The following SDK2 variants were observed in gnomAD, a reference collection of about 807,000 sequenced individuals.
SDK2 encodes the protein protein sidekick-2.
In SDK2, 105 loss-of-function variants were observed where a neutral mutation model predicts 253.9. That is an observed-to-expected ratio of 0.41 (90% CI 0.35 to 0.49). The LOEUF (loss-of-function observed/expected upper bound fraction) is 0.49. Among genes scored for constraint, SDK2 ranks in the 20% least tolerant of loss-of-function variants. The pLI, the probability that SDK2 is intolerant of heterozygous loss-of-function variation, is 0.06. For missense variants in SDK2, 2,608 were observed against 3,003.0 expected (o/e 0.87, Z 3.07); for synonymous variants, 1,249 against 1,234.9 (o/e 1.01, Z -0.24).
rs2062363256 is a variant in SDK2, at chr17:73,334,432, C to T, written c.*4155G>A. 1.3e-5 allele frequency: 2 copies of T among 152,076 alleles called. No homozygotes were observed. Among genetic ancestry groups the T allele is most frequent in the African/African-American group, 2.4e-5 (1 of 41,404 alleles). 9.4% of individuals were successfully genotyped at this position (152,076 alleles called of 1,614,324 possible). On this transcript the variant is annotated 3_prime_UTR_variant, in exon 45 of 45. Coordinates refer to ENST00000392650, the MANE Select transcript of SDK2 (RefSeq NM_001144952.2). ...AAAATACTGACAGTTTGACAGGACA[C>T]GGGACTTCTTGTGGTATATATTTCA...
intron 1 of SDK2, among the ~76,000 whole-genome samples, chr17:73,620,085 G>C (rs1276457927): frequency 6.6e-6 from 1 of 152,020 alleles, no homozygotes; most frequent in Non-Finnish European, 1.5e-5. Context: ...CATAGTCCCA[G>C]CTATGTGGGG....
chr17:73,643,397 C>T lies in SDK2; in HGVS notation c.64+628G>A, dbSNP rs1033044202. ...CTCAGACCCTCCCTGTGCACCACCC[C>T]CCGGTGGGTCCGCGGCTGCACCCGC... On this transcript the variant is annotated intron_variant, in intron 1 of 44. Coordinates refer to ENST00000392650, the MANE Select transcript of SDK2 (RefSeq NM_001144952.2). The surrounding 1 kb of genome is among the most constrained non-coding windows in gnomAD (Gnocchi z 6.9). 6.6e-6 allele frequency among the ~76,000 whole-genome samples: 1 copy of T among 152,108 alleles called. No homozygotes were observed. Among genetic ancestry groups the T allele is most frequent in the Non-Finnish European group, 1.5e-5 (1 of 67,998 alleles).
Position 73,361,920 on chromosome 17 carries a change from C to A in SDK2, c.5306-75G>T, listed in dbSNP as rs2062644707. The stretch of plus-strand genomic sequence containing the variant: ...ACTGGAGGCCATGGGGAAGGGGAAG[C>A]GGCCGTGGCCTGGGCCCCGGGACCC... On this transcript the variant is annotated intron_variant, in intron 38 of 44. Transcript: ENST00000392650. This position sits in a 1 kb window ranked among gnomAD's most constrained non-coding sequence, Gnocchi z 4.1. 6.9e-7 allele frequency: 1 copy of A among 1,439,204 alleles called. No individual in the cohort carries two copies. The highest frequency in any genetic ancestry group is 9.3e-7 in the Non-Finnish European group (1 of 1,071,936). 89.2% of individuals were successfully genotyped at this position (1,439,204 alleles called of 1,614,324 possible). A position where few individuals can be genotyped will look rare whatever the true frequency, so the allele number is the denominator to read the frequency against.
Position 73,350,693 on chromosome 17 carries a change from G to T in SDK2, c.5856C>A (p.Ile1952=). The change falls in exon 42 of 45, where the codon ATC becomes ATA. Residue 1952 remains isoleucine (I), a synonymous_variant. Coordinates refer to ENST00000392650, the MANE Select transcript of SDK2 (RefSeq NM_001144952.2). Reference sequence around the variant, plus strand: ...CGTACTTCTTGCTCTGGCCCCGGATGATGAGCACGAAGACCAGAAGCAGGA... The same window carrying T: ...CGTACTTCTTGCTCTGGCCCCGGATTATGAGCACGAAGACCAGAAGCAGGA... The part of the protein sequence containing the change: ...IFILLLVFVL[I]IRGQSKKYAK... The T allele has an allele frequency of 3.1e-6, 5 of 1,613,712 alleles. No individual in the cohort carries two copies. The highest frequency in any genetic ancestry group is 4.2e-6 in the Non-Finnish European group (5 of 1,179,822).
chr17:73,552,018 G>T (rs1455792042), intron 1 of SDK2, among the ~76,000 whole-genome samples: 1 of 152,200 alleles, frequency 6.6e-6, no homozygotes, highest in Non-Finnish European at 1.5e-5. Flanking sequence ...GACAGCCAGG[G>T]TGGCAAGGCA....
intron 6 of SDK2, among the ~76,000 whole-genome samples, chr17:73,438,880 G>A (rs1232602150): frequency 1.3e-5 from 2 of 152,158 alleles, no homozygotes; most frequent in African/African-American, 4.8e-5. Context: ...TTCTGTGGCC[G>A]CATACGTCTG....
intron 1 of SDK2, among the ~76,000 whole-genome samples, chr17:73,585,977 C>T (rs952260166): frequency 2.8e-4 from 42 of 152,090 alleles, no homozygotes; most frequent in African/African-American, 9.7e-4. Flanking sequence ...AGGATGTACT[C>T]GGAAAGGGAC....
chr17:73,547,724 C>T (rs147189827), intron 1 of SDK2, among the ~76,000 whole-genome samples: 6 of 152,262 alleles, frequency 3.9e-5, no homozygotes, highest in East Asian at 3.9e-4. Flanking sequence ...TCAGGGGGTC[C>T]GGGGCTGTGC....
At chr17:73,397,601 C>G (rs2062982130) in intron 24 of SDK2, among the ~76,000 whole-genome samples, 1 of 152,208 alleles carries the variant, frequency 6.6e-6, no homozygotes, top group Admixed American at 6.5e-5. Flanking sequence ...GGCCCACGGT[C>G]AGGACCCTCA....
rs2063843493 is a variant in SDK2, at chr17:73,496,593, C to T, written c.224+10845G>A. ...ATACAGGGTCTTGTACTCCCTCGAC[C>T]AAAATCCTTTCGAGACTGTCCACTG... On this transcript the variant is annotated intron_variant, in intron 2 of 44. Coordinates refer to ENST00000392650, the MANE Select transcript of SDK2 (RefSeq NM_001144952.2). This position sits in a 1 kb window ranked among gnomAD's most constrained non-coding sequence, Gnocchi z 4.7. Among the ~76,000 whole-genome samples the T allele has an allele frequency of 2.6e-5, 4 of 152,192 alleles. No homozygotes were observed. In the South Asian group the frequency reaches 8.3e-4, roughly 32 times the overall value.
In SDK2 at chr17:73,385,976, C is replaced by T. The variant is rs1302065309; in HGVS notation, c.4499-59G>A. ...GCCGCAGCTTCAAGTTCCCCAGGAG[C>T]CCACTGAGACCAGATTCTGCTAATA... is the stretch of plus-strand genomic sequence containing the variant. On this transcript the variant is annotated intron_variant, in intron 31 of 44. Coordinates refer to ENST00000392650, the MANE Select transcript of SDK2 (RefSeq NM_001144952.2). 3.9e-6 allele frequency: 5 copies of T among 1,271,014 alleles called. No individual in the cohort carries two copies. In the East Asian group the frequency reaches 1.2e-4, roughly 32 times the overall value. The allele number at this position is 1,271,014 out of a possible 1,614,324, so 78.7% of individuals were successfully genotyped here. A position where few individuals can be genotyped will look rare whatever the true frequency, so the allele number is the denominator to read the frequency against.
At chr17:73,533,905 C>T (rs1204267629) in intron 1 of SDK2, among the ~76,000 whole-genome samples, 1 of 152,188 alleles carries the variant, frequency 6.6e-6, no homozygotes, top group African/African-American at 2.4e-5. Flanking sequence ...TTACACTCCA[C>T]TTGCTAATTA....
At chr17:73,351,324 G>T (rs932267328) in intron 41 of SDK2, among the ~76,000 whole-genome samples, 2 of 152,114 alleles carry the variant, frequency 1.3e-5, no homozygotes, top group Non-Finnish European at 2.9e-5. Context: ...TGGCCAGGCT[G>T]GTCTCTAACT....
intron 1 of SDK2, among the ~76,000 whole-genome samples, chr17:73,590,640 T>A (rs1056302778): frequency 1.3e-5 from 2 of 152,206 alleles, no homozygotes; most frequent in African/African-American, 4.8e-5. Context: ...AATCTGGGCA[T>A]GGCCAACCCG....
In SDK2 at chr17:73,387,827, G is replaced by T; in HGVS notation, c.4394+9C>A. On this transcript the variant is annotated intron_variant, in intron 30 of 44. Transcript: ENST00000392650. ...GCAGTGGGGATGCTGGCATGGACCCGAGCCTTACCTGTCCACAATGAAGCT... is the reference window on the plus strand; with the variant it reads ...GCAGTGGGGATGCTGGCATGGACCCTAGCCTTACCTGTCCACAATGAAGCT... The T allele has an allele frequency of 1.3e-6, 2 of 1,551,242 alleles. No homozygotes were observed. Among genetic ancestry groups the T allele is most frequent in the Non-Finnish European group, 1.7e-6 (2 of 1,144,094 alleles).
At chr17:73,486,317 G>A (rs371751641) in intron 2 of SDK2, among the ~76,000 whole-genome samples, 17 of 152,264 alleles carry the variant, frequency 1.1e-4, no homozygotes, top group African/African-American at 4.1e-4. Flanking sequence ...GAGCAGTTAG[G>A]AGAAGTAGAG....
rs111810626 is a variant in SDK2 at position 73,422,552 on chromosome 17, A to T, written c.1898-118T>A. ...GGGGCTGGCAAGAGAGAGCCTCCCC[A>T]GCTTGGTGCAGGAGTGGCCCGCCAT... On this transcript the variant is annotated intron_variant, in intron 14 of 44. Transcript: ENST00000392650. The T allele has an allele frequency of 5.6e-3, 6,591 of 1,185,496 alleles. 255 individuals carry two copies. The African/African-American group carries it at 0.084, about 15-fold the overall frequency. The allele number at this position is 1,185,496 out of a possible 1,614,324, so 73.4% of individuals were successfully genotyped here.
Position 73,352,475 on chromosome 17 carries a change from G to A in SDK2, c.5756C>T (p.Pro1919Leu), listed in dbSNP as rs779681558. The A allele has an allele frequency of 1.2e-6, 2 of 1,612,152 alleles. No individual in the cohort carries two copies. The highest frequency in any genetic ancestry group is 1.7e-6 in the Non-Finnish European group (2 of 1,179,300). Residue 1919 changes from proline (P) to leucine (L), a missense_variant and splice_region_variant, in exon 41 of 45, where the codon CCA (proline) becomes CTA (leucine). Physicochemically the swap from Pro to Leu is moderately conservative, Grantham distance 98. This residue lies in a region of SDK2 where 1,103 missense variants were observed against 1,143.9 expected (regional missense o/e 0.96). Transcript: ENST00000392650. The surrounding 1 kb of genome is among the most constrained non-coding windows in gnomAD (Gnocchi z 4.1). Reference protein sequence around the residue: ...GTPSSPSQSVPAQKANPFYEE... With the variant: ...GTPSSPSQSVLAQKANPFYEE... The stretch of plus-strand genomic sequence containing the variant: ...TCCCTCAGCCCCCAGGCCGGTACCT[G>A]GCACAGACTGGGAGGGGCTGCTGGG...
rs755429079 is a variant in SDK2, at chr17:73,435,566, C to A, written c.1079G>T (p.Arg360Leu). 4.4e-6 allele frequency: 7 copies of A among 1,587,510 alleles called. No individual in the cohort carries two copies. In the South Asian group the frequency reaches 4.6e-5, roughly 10 times the overall value. The change falls in exon 9 of 45, where the codon CGC becomes CTC. Residue 360 changes from arginine (R) to leucine (L), a missense_variant. This residue lies in a region of SDK2 where 1,505 missense variants were observed against 1,859.1 expected (regional missense o/e 0.81). Transcript: ENST00000392650. The surrounding 1 kb of genome is among the most constrained non-coding windows in gnomAD (Gnocchi z 5.7). ...GCTGATCTGCAGGCCCCCGTCGTTG[C>A]GCTGCCGGAAGCGGGTCAACTTCTC... The part of the protein sequence containing the change: ...EVEKLTRFRQ[R>L]NDGGLQISGL...
Sources: gnomAD v4.1 joint callset for allele counts (sites outside exome capture counted in the v4.1 genomes callset) on GRCh38, gnomAD v4.1.1 for gene constraint, gnomAD v4.1.1 regional missense constraint, Gnocchi (gnomAD v3.1) non-coding constraint, MANE v1.5 for transcripts, NCBI Gene and HGNC (gene_info 2026-07-23, HGNC 2026-07-21) for gene names.